Variants in DCLK1 observed in about 807,000 individuals in gnomAD.
The protein encoded by DCLK1 is doublecortin like kinase 1.
Under a neutral mutation model 86.2 loss-of-function variants are expected in DCLK1, and 16 were observed. That is an observed-to-expected ratio of 0.19 (90% CI 0.13 to 0.28). The LOEUF (loss-of-function observed/expected upper bound fraction) is 0.28. DCLK1 is among the 10% of genes least tolerant of loss of function. The pLI is 1.00. For synonymous variants in DCLK1, 369 were observed against 370.5 expected, an observed-to-expected ratio of 1.00 and a Z score of 0.05; for missense variants, 590 against 940.2, an observed-to-expected ratio of 0.63 and a Z score of 4.87.
chr13:35,836,859 T>G (rs1442853715), intron 7 of DCLK1, among the ~76,000 whole-genome samples: 1 of 152,192 alleles, frequency 6.6e-6, no homozygotes, highest in East Asian at 1.9e-4. Context: ...TGCCTAATAA[T>G]GCTTTAAATA....
At chr13:35,862,927 T>C (rs575743685) in intron 5 of DCLK1, among the ~76,000 whole-genome samples, 55 of 152,316 alleles carry the variant, frequency 3.6e-4, no homozygotes, top group African/African-American at 1.2e-3. Context: ...CACAAAACAA[T>C]GTTTTGGTCA....
At chr13:35,973,617 A>C (rs1364802319) in intron 3 of DCLK1, among the ~76,000 whole-genome samples, 2 of 152,246 alleles carry the variant, frequency 1.3e-5, no homozygotes, top group African/African-American at 4.8e-5. Context: ...AAGGTGCTCA[A>C]CAAATGAATG....
At chr13:35,862,032 CAAAAAAAAAAAA>C (rs36091477) in intron 5 of DCLK1, among the ~76,000 whole-genome samples, 1 of 71,138 alleles carries the variant, frequency 1.4e-5, no homozygotes, top group Non-Finnish European at 2.6e-5. Flanking sequence ...GACTCCGTCT[CAAAAAAAAAAAA>C]AAAAAAAAAA....
At chr13:36,102,515 G>A (rs1022612668) in intron 3 of DCLK1, among the ~76,000 whole-genome samples, 1 of 152,194 alleles carries the variant, frequency 6.6e-6, no homozygotes, top group African/African-American at 2.4e-5. Flanking sequence ...TCACACAGGT[G>A]TACAAACAGT....
intron 3 of DCLK1, among the ~76,000 whole-genome samples, chr13:35,998,372 A>G (rs17185780): frequency 0.019 from 2,905 of 152,220 alleles, 44 homozygotes; most frequent in Non-Finnish European, 0.028. Context: ...TCTCCATTCA[A>G]TATCTCCTGC....
chr13:35,815,119 T>C (rs1321560506), intron 11 of DCLK1, among the ~76,000 whole-genome samples: 2 of 152,182 alleles, frequency 1.3e-5, no homozygotes, highest in East Asian at 3.9e-4. Context: ...CACAGGATTG[T>C]TTTTGAAAGG....
intron 3 of DCLK1, among the ~76,000 whole-genome samples, chr13:36,036,083 C>A (rs937446947): frequency 3.9e-5 from 6 of 152,076 alleles, no homozygotes; most frequent in Admixed American, 6.6e-5. Flanking sequence ...GGTGGAAGCA[C>A]CTCCCCGTAA....
At chr13:36,024,979 T>C (rs1442969633) in intron 3 of DCLK1, among the ~76,000 whole-genome samples, 1 of 151,682 alleles carries the variant, frequency 6.6e-6, no homozygotes, top group Non-Finnish European at 1.5e-5. Context: ...TTTTTTTTTT[T>C]TTTTTGAGGC....
At chr13:36,063,321 T>A (rs768883054) in intron 3 of DCLK1, among the ~76,000 whole-genome samples, 43 of 152,116 alleles carry the variant, frequency 2.8e-4, no homozygotes, top group Non-Finnish European at 5.3e-4. Flanking sequence ...TTACAAGCGA[T>A]GAAGACAACA....
At chr13:35,958,130 T>TCACC (rs1878166356) in intron 3 of DCLK1, among the ~76,000 whole-genome samples, 12 of 15,794 alleles carry the variant, frequency 7.6e-4, no homozygotes, top group African/African-American at 3.8e-3. Context: ...CCACTACCAC[T>TCACC]ACTATAACCA....
chr13:35,980,697 C>T (rs1879595043), intron 3 of DCLK1, among the ~76,000 whole-genome samples: 1 of 152,134 alleles, frequency 6.6e-6, no homozygotes, highest in Admixed American at 6.5e-5. Context: ...CATTCCACCT[C>T]AGATCATCAG....
chr13:35,874,029 C>A (rs1304337656), intron 4 of DCLK1, among the ~76,000 whole-genome samples: 3 of 152,028 alleles, frequency 2.0e-5, no homozygotes, highest in Non-Finnish European at 4.4e-5. Context: ...TGTGGTGAAC[C>A]TTTTTAGTAT....
chr13:35,793,221 T>C (rs755359793), intron 16 of DCLK1, 145 bp downstream of exon 16: 2 of 512,980 alleles, frequency 3.9e-6, no homozygotes, highest in East Asian at 6.1e-5. Flanking sequence ...ATAAGTCCCA[T>C]ACCTCCTCTA....
intron 6 of DCLK1, among the ~76,000 whole-genome samples, chr13:35,852,527 T>C (rs1480062147): frequency 1.3e-5 from 2 of 152,224 alleles, no homozygotes; most frequent in Admixed American, 6.5e-5. Flanking sequence ...ATGGGATTGT[T>C]TTTTTCTCTC....
chr13:35,786,833 G>A (rs937044185), intron 16 of DCLK1, among the ~76,000 whole-genome samples: 78 of 152,046 alleles, frequency 5.1e-4, no homozygotes, highest in African/African-American at 1.7e-3. Flanking sequence ...ATAAATGAAT[G>A]TGCAACTCCT....
intron 3 of DCLK1, among the ~76,000 whole-genome samples, chr13:36,043,157 T>C (rs1436294065): frequency 6.6e-6 from 1 of 152,192 alleles, no homozygotes; most frequent in African/African-American, 2.4e-5. Flanking sequence ...TACAGTCATT[T>C]ACAGCATTTA....
At chr13:35,818,802 T>A (rs9574669) in intron 11 of DCLK1, among the ~76,000 whole-genome samples, 39,207 of 151,620 alleles carry the variant, frequency 0.26, 5,830 homozygotes, top group African/African-American at 0.4. Context: ...TTTTTTTTTT[T>A]AATTAAGCAA....
chr13:35,966,097 T>C (rs1878721266), intron 3 of DCLK1, among the ~76,000 whole-genome samples: 1 of 152,170 alleles, frequency 6.6e-6, no homozygotes, highest in Non-Finnish European at 1.5e-5. Context: ...CCCATTAGGG[T>C]GGCCATTATT....
At chr13:36,082,815 C>T (rs1389317580) in intron 3 of DCLK1, among the ~76,000 whole-genome samples, 1 of 152,186 alleles carries the variant, frequency 6.6e-6, no homozygotes, top group African/African-American at 2.4e-5. Context: ...GAATGAGCCC[C>T]AGCTATCTAC....
Sources: allele counts gnomAD v4.1 joint callset (sites outside exome capture counted in the v4.1 genomes callset), GRCh38; gene constraint gnomAD v4.1.1; transcripts MANE v1.5; gene names NCBI Gene and HGNC (gene_info 2026-07-23, HGNC 2026-07-21).